RBL1: variants seen among roughly 807,000 people sequenced by gnomAD.
The protein encoded by RBL1 is retinoblastoma-like protein 1.
Under a neutral mutation model 123.0 loss-of-function variants are expected in RBL1, and 82 were observed. That is an observed-to-expected ratio of 0.67 (90% CI 0.56 to 0.80). The LOEUF is 0.80. Ranked by LOEUF, RBL1 falls within the 30% of genes least tolerant of loss-of-function variation. The probability of loss-of-function intolerance (pLI) is 0.00; values close to 1 mark genes in which losing one functional copy is unlikely to be tolerated. For synonymous variants in RBL1, 405 were observed against 441.3 expected, an observed-to-expected ratio of 0.92 and a Z score of 1.03; for missense variants, 1,171 against 1,299.6, an observed-to-expected ratio of 0.90 and a Z score of 1.52.
chr20:37,089,066 A>G lies in RBL1; in HGVS notation c.213T>C (p.Ile71=). The G allele has an allele frequency of 6.2e-7, 1 of 1,612,562 alleles. No individual in the cohort carries two copies. Among genetic ancestry groups the G allele is most frequent in the Non-Finnish European group, 8.5e-7 (1 of 1,179,176 alleles). Residue 71 remains isoleucine (I), a synonymous_variant, in exon 2 of 22, where the codon ATT becomes ATC. Coordinates refer to ENST00000373664, the MANE Select transcript of RBL1 (RefSeq NM_002895.5). ...TGATACCCTTTCCAACCGTGGGAAT[A>G]ATGCTTTTGCGGCATGCAACATATA... ...CSLYVACRKS[I]IPTVGKGIME... is the part of the protein sequence containing the mutation.
chr20:37,033,905 C>T (rs1187646661), intron 15 of RBL1, among the ~76,000 whole-genome samples: 1 of 151,662 alleles, frequency 6.6e-6, no homozygotes, highest in African/African-American at 2.4e-5. Flanking sequence ...GTGTGAGCCA[C>T]TGTGCCTGGC....
At chr20:37,017,516 T>G (rs2064275243) in intron 19 of RBL1, among the ~76,000 whole-genome samples, 1 of 151,970 alleles carries the variant, frequency 6.6e-6, no homozygotes, top group Non-Finnish European at 1.5e-5. Context: ...AAAAAAAAGA[T>G]TACTAGTGCC....
intron 11 of RBL1, among the ~76,000 whole-genome samples, chr20:37,050,640 A>T (rs1442412140): frequency 6.6e-6 from 1 of 151,674 alleles, no homozygotes; most frequent in Admixed American, 6.6e-5. Context: ...CAGAAGGTCC[A>T]TCATCTGAAA....
At chr20:37,080,508 G>T (rs112759834) in intron 2 of RBL1, among the ~76,000 whole-genome samples, 22 of 151,348 alleles carry the variant, frequency 1.5e-4, no homozygotes, top group African/African-American at 5.3e-4. Flanking sequence ...GCCCAGGCTG[G>T]AGTGCAGTGG....
chr20:37,065,339 A>G, intron 7 of RBL1, 85 bp downstream of exon 7: 3 of 1,007,576 alleles, frequency 3.0e-6, no homozygotes, highest in Middle Eastern at 2.1e-4. Context: ...TTACTTTGAT[A>G]TACTGTTATG....
intron 2 of RBL1, chr20:37,082,063 C>T (rs1461455654): frequency 1.3e-5 from 6 of 454,808 alleles, no homozygotes; most frequent in Non-Finnish European, 2.2e-5. Context: ...GTCTCTATGC[C>T]GGGGGAGCCT....
intron 2 of RBL1, among the ~76,000 whole-genome samples, chr20:37,083,410 A>C (rs59200212): frequency 0.21 from 31,765 of 151,446 alleles, 3,592 homozygotes; most frequent in Middle Eastern, 0.35. Flanking sequence ...GGAGGTTGCA[A>C]GTGAGCAGAG....
chr20:37,056,858 A>C (rs572798951), intron 9 of RBL1, among the ~76,000 whole-genome samples: 27 of 152,296 alleles, frequency 1.8e-4, no homozygotes, highest in Middle Eastern at 3.4e-3. Context: ...GGAATCATGC[A>C]GTATTTTGTC....
At chr20:37,055,718 C>A in intron 10 of RBL1, 62 bp from the exon 11 acceptor site, 2 of 1,434,188 alleles carry the variant, frequency 1.4e-6, no homozygotes, top group Non-Finnish European at 1.9e-6. Context: ...GACTGAAAAG[C>A]AAAAATTATA....
chr20:37,026,332 G>A (rs1173090710), intron 16 of RBL1, among the ~76,000 whole-genome samples: 1 of 152,092 alleles, frequency 6.6e-6, no homozygotes, highest in African/African-American at 2.4e-5. Flanking sequence ...GACATCAAGT[G>A]ACAAAAGAAT....
At chr20:37,011,828 A>C (rs1368194647) in intron 19 of RBL1, among the ~76,000 whole-genome samples, 1 of 152,308 alleles carries the variant, frequency 6.6e-6, no homozygotes, top group East Asian at 1.9e-4. Context: ...AAAGTATTTA[A>C]GATAAGCAGA....
intron 19 of RBL1, among the ~76,000 whole-genome samples, chr20:37,014,186 T>G (rs974809504): frequency 6.7e-6 from 1 of 148,216 alleles, no homozygotes; most frequent in Admixed American, 6.8e-5. Flanking sequence ...CAAGCCAACC[T>G]CCCAATTCAG....
rs2063903107 is a variant in RBL1 at position 36,997,675 on chromosome 20, T to C, written c.*1084A>G. 6.6e-6 allele frequency: 1 copy of C among 152,204 alleles called. No homozygotes were observed. Among genetic ancestry groups the C allele is most frequent in the Non-Finnish European group, 1.5e-5 (1 of 68,046 alleles). The allele number at this position is 152,204 out of a possible 1,614,324, so 9.4% of individuals were successfully genotyped here. ...AGGAATTTAGTTTTTAATAACTAAC[T>C]GAATTTTATTTTACTGGCTTCAGAA... On this transcript the variant is annotated 3_prime_UTR_variant, in exon 22 of 22. Transcript: ENST00000373664.
chr20:37,054,011 C>T (rs999307212), intron 11 of RBL1, among the ~76,000 whole-genome samples: 1 of 139,618 alleles, frequency 7.2e-6, no homozygotes, highest in African/African-American at 2.6e-5. Context: ...TTAATCTATG[C>T]ATATGATACA....
intron 1 of RBL1, 109 bp from the exon 2 acceptor site, chr20:37,089,231 A>G (rs1348855683): frequency 1.4e-5 from 15 of 1,105,618 alleles, no homozygotes; most frequent in Non-Finnish European, 1.7e-5. Flanking sequence ...CCTTATGTAG[A>G]TAAAGGGCCA....
At chr20:37,000,388 C>T (rs2063950561) in intron 21 of RBL1, among the ~76,000 whole-genome samples, 3 of 120,188 alleles carry the variant, frequency 2.5e-5, no homozygotes, top group South Asian at 5.4e-4. Context: ...GCCCCCCGCC[C>T]GGCCAGCCGC....
intron 2 of RBL1, among the ~76,000 whole-genome samples, chr20:37,088,675 T>C (rs548694037): frequency 2.5e-4 from 38 of 151,078 alleles, no homozygotes; most frequent in African/African-American, 8.5e-4. Flanking sequence ...ACCAACATGA[T>C]GAAACCCCAT....
intron 2 of RBL1, among the ~76,000 whole-genome samples, chr20:37,076,286 A>G (rs2065362772): frequency 6.6e-6 from 1 of 152,226 alleles, no homozygotes; most frequent in Admixed American, 6.5e-5. Flanking sequence ...ACCTATGATA[A>G]AGTTTCATTT....
chr20:37,070,232 G>T (rs1454575739), intron 2 of RBL1, among the ~76,000 whole-genome samples: 1 of 152,150 alleles, frequency 6.6e-6, no homozygotes, highest in Non-Finnish European at 1.5e-5. Context: ...GATTAAGGGC[G>T]GTGCAAGATG....
Sources: allele counts gnomAD v4.1 joint callset (sites outside exome capture counted in the v4.1 genomes callset), GRCh38; gene constraint gnomAD v4.1.1; transcripts MANE v1.5; gene names NCBI Gene and HGNC (gene_info 2026-07-23, HGNC 2026-07-21).